The following SCFD2 variants were observed in gnomAD, a reference collection of about 807,000 sequenced individuals.
SCFD2 encodes the protein sec1 family domain containing 2.
A neutral mutation model predicts 58.9 loss-of-function variants in SCFD2; 54 were observed. The ratio of observed to expected loss-of-function variants is 0.92; its 90% CI spans 0.74 to 1.15. SCFD2 has a LOEUF of 1.15. Among genes scored for constraint, SCFD2 ranks in the 50% most tolerant of loss-of-function variants. The pLI is 0.00. For missense variants in SCFD2, 805 were observed against 836.6 expected (o/e 0.96, Z 0.47); for synonymous variants, 321 against 335.9 (o/e 0.96, Z 0.49).
At chr4:53,193,379 A>AGT (rs1312160776) in intron 4 of SCFD2, among the ~76,000 whole-genome samples, 1 of 152,210 alleles carries the variant, frequency 6.6e-6, no homozygotes, top group East Asian at 1.9e-4. Context: ...TACAGAATAC[A>AGT]AGTATATTCT....
chr4:53,044,200 A>G (rs1722968972), intron 5 of SCFD2, among the ~76,000 whole-genome samples: 1 of 151,826 alleles, frequency 6.6e-6, no homozygotes, highest in African/African-American at 2.4e-5. Context: ...TTAATCCCCA[A>G]TTCCCCCTGG....
chr4:52,938,162 G>C (rs1253442521), intron 5 of SCFD2, among the ~76,000 whole-genome samples: 1 of 152,212 alleles, frequency 6.6e-6, no homozygotes, highest in African/African-American at 2.4e-5. Context: ...TATGTGCCAA[G>C]TACTGTTCTA....
At chr4:52,878,957 C>A (rs1032490942) in intron 8 of SCFD2, among the ~76,000 whole-genome samples, 6 of 152,184 alleles carry the variant, frequency 3.9e-5, no homozygotes, top group Admixed American at 3.9e-4. Flanking sequence ...AGGGTCCCTG[C>A]CATCTCTTCT....
At chr4:53,169,973 C>T (rs1727129779) in intron 4 of SCFD2, among the ~76,000 whole-genome samples, 1 of 152,128 alleles carries the variant, frequency 6.6e-6, no homozygotes, top group Non-Finnish European at 1.5e-5. Flanking sequence ...TTCTCCCAGT[C>T]TCTCTAGGTC....
intron 5 of SCFD2, among the ~76,000 whole-genome samples, chr4:53,057,214 T>A (rs1723368829): frequency 6.6e-6 from 1 of 152,098 alleles, no homozygotes; most frequent in South Asian, 2.1e-4. Flanking sequence ...TGCACACATA[T>A]GTTTATTGCA....
intron 4 of SCFD2, among the ~76,000 whole-genome samples, chr4:53,209,194 G>A (rs1207806263): frequency 6.6e-6 from 1 of 152,076 alleles, no homozygotes; most frequent in African/African-American, 2.4e-5. Flanking sequence ...CTCCAAGGTC[G>A]AAGTCTATAC....
intron 7 of SCFD2, among the ~76,000 whole-genome samples, chr4:52,903,124 TA>T (rs1409294068): frequency 3.3e-5 from 5 of 152,218 alleles, no homozygotes. Context: ...TACACCCCTT[TA>T]TTTCTGTTCT....
chr4:53,296,590 T>C (rs1336257023), intron 3 of SCFD2, among the ~76,000 whole-genome samples: 1 of 152,194 alleles, frequency 6.6e-6, no homozygotes, highest in Non-Finnish European at 1.5e-5. Flanking sequence ...AAAAACCAGC[T>C]CCTGGATTCA....
At chr4:52,979,002 T>C (rs1721312608) in intron 5 of SCFD2, among the ~76,000 whole-genome samples, 1 of 150,672 alleles carries the variant, frequency 6.6e-6, no homozygotes, top group Non-Finnish European at 1.5e-5. Context: ...CAAGTGACCC[T>C]CTCTCTTCAG....
At chr4:53,027,721 G>A (rs1159410126) in intron 5 of SCFD2, among the ~76,000 whole-genome samples, 2 of 151,746 alleles carry the variant, frequency 1.3e-5, no homozygotes, top group Admixed American at 6.6e-5. Context: ...CCAGCTACTC[G>A]GGAGGCTGAG....
At chr4:53,201,261 G>A (rs1012121049) in intron 4 of SCFD2, among the ~76,000 whole-genome samples, 5 of 151,180 alleles carry the variant, frequency 3.3e-5, no homozygotes, top group African/African-American at 1.2e-4. Flanking sequence ...ACCTATGAGT[G>A]AGAACATGAG....
intron 4 of SCFD2, among the ~76,000 whole-genome samples, chr4:53,149,420 C>A (rs1726440913): frequency 1.3e-5 from 2 of 152,122 alleles, no homozygotes; most frequent in Admixed American, 1.3e-4. Flanking sequence ...TTGATTTTAA[C>A]CCAAAGTATA....
chr4:52,927,172 T>A (rs539761288), intron 5 of SCFD2, among the ~76,000 whole-genome samples: 135 of 152,264 alleles, frequency 8.9e-4, no homozygotes, highest in African/African-American at 3.1e-3. Flanking sequence ...AAAATCAATC[T>A]CTCTCTTACA....
chr4:53,318,663 T>G (rs991897878), intron 2 of SCFD2, among the ~76,000 whole-genome samples: 1 of 152,114 alleles, frequency 6.6e-6, no homozygotes, highest in African/African-American at 2.4e-5. Context: ...GCTTAATCTT[T>G]TATCTTAAGT....
chr4:53,324,555 C>A (rs150566134), intron 2 of SCFD2, among the ~76,000 whole-genome samples: 1 of 152,194 alleles, frequency 6.6e-6, no homozygotes, highest in Non-Finnish European at 1.5e-5. Context: ...TGGGGAAGCA[C>A]CAGCGTTGGT....
intron 5 of SCFD2, 21 bp downstream of exon 5, chr4:53,145,312 G>C (rs1726291870): frequency 1.9e-6 from 3 of 1,612,782 alleles, no homozygotes; most frequent in African/African-American, 1.3e-5. Context: ...TTTGTGTCCT[G>C]TATCTTTGTT....
intron 3 of SCFD2, among the ~76,000 whole-genome samples, chr4:53,299,310 G>A (rs1258388620): frequency 1.3e-5 from 2 of 152,238 alleles, no homozygotes; most frequent in Admixed American, 1.3e-4. Context: ...AAAAGCCTCA[G>A]TAACTGATGT....
intron 5 of SCFD2, among the ~76,000 whole-genome samples, chr4:53,102,532 G>C (rs1256637082): frequency 2.0e-5 from 3 of 151,842 alleles, no homozygotes; most frequent in African/African-American, 7.2e-5. Flanking sequence ...TTTAAAAGTT[G>C]ATGAAAGGAG....
intron 4 of SCFD2, among the ~76,000 whole-genome samples, chr4:53,218,793 A>G (rs1728947852): frequency 6.6e-6 from 1 of 152,034 alleles, no homozygotes; most frequent in African/African-American, 2.4e-5. Context: ...TTGCTCTTTG[A>G]TGATGGTGAC....
Sources: gnomAD v4.1 joint callset for allele counts (sites outside exome capture counted in the v4.1 genomes callset) on GRCh38, gnomAD v4.1.1 for gene constraint, MANE v1.5 for transcripts, NCBI Gene and HGNC (gene_info 2026-07-23, HGNC 2026-07-21) for gene names.